SGIP1: variants seen among roughly 807,000 people sequenced by gnomAD.
SGIP1 encodes the protein SH3-containing GRB2-like protein 3-interacting protein 1.
SGIP1 carries 38 observed loss-of-function variants against 107.5 expected under a neutral mutation model. That is an observed-to-expected ratio of 0.35 (90% CI 0.27 to 0.46). The LOEUF (loss-of-function observed/expected upper bound fraction) is 0.46, where lower values mean the gene tolerates loss of function less well. Ranked by LOEUF, SGIP1 falls within the 20% of genes least tolerant of loss-of-function variation. The pLI is 1.00. For missense variants in SGIP1, 929 were observed against 1,019.5 expected, an observed-to-expected ratio of 0.91 and a Z score of 1.21; for synonymous variants, 365 against 366.1, an observed-to-expected ratio of 1.00 and a Z score of 0.03.
intron 1 of SGIP1, among the ~76,000 whole-genome samples, chr1:66,586,084 A>G (rs2062570976): frequency 6.6e-6 from 1 of 152,042 alleles, no homozygotes; most frequent in South Asian, 2.1e-4. Context: ...CTCTTTTATC[A>G]TTATATAATT....
chr1:66,741,205 C>T (rs1321975025), intron 23 of SGIP1, 67 bp from the exon 24 acceptor site: 34 of 1,445,374 alleles, frequency 2.4e-5, no homozygotes, highest in East Asian at 2.2e-4. Context: ...CTTTTGAATG[C>T]AACCTCCAAA....
chr1:66,614,261 A>AAG (rs1299723259), intron 1 of SGIP1, among the ~76,000 whole-genome samples: 1 of 152,236 alleles, frequency 6.6e-6, no homozygotes, highest in Admixed American at 6.5e-5. Flanking sequence ...TTAATTTTCC[A>AAG]AGAGAGTTGA....
Position 66,552,266 on chromosome 1 carries a change from CT to C in SGIP1, c.10+17901del, listed in dbSNP as rs574273585. 2.0e-3 allele frequency among the ~76,000 whole-genome samples: 299 copies of C among 152,322 alleles called. 2 individuals are homozygous for C. Among genetic ancestry groups the C allele is most frequent in the African/African-American group, 6.9e-3 (285 of 41,584 alleles). On this transcript the variant is annotated intron_variant, in intron 1 of 24. Coordinates refer to ENST00000371037, the MANE Select transcript of SGIP1 (RefSeq NM_032291.4). ...TCCTCTGAGTTCTTGGACATGCCCA[CT>C]TTGTTGGCTATTGGCTATGTATCTG...
rs1217131896 is a variant in SGIP1, at chr1:66,660,119, GGAAAGAAA to G, written c.460-378_460-371del. 1.2e-4 allele frequency: 11 copies of G among 92,774 alleles called. 1 individual carries two copies. Among genetic ancestry groups the G allele is most frequent in the African/African-American group, 1.6e-4 (2 of 12,276 alleles). The allele number at this position is 92,774 out of a possible 1,614,324, so 5.7% of individuals were successfully genotyped here. ...AAGGAAGGAAGAAGGAAGGAAGGAA[GGAAAGAAA>G]GAAAGAAAGAAAGAAGAGAGAAAGA... On this transcript the variant is annotated intron_variant, in intron 7 of 24. Transcript: ENST00000371037.
chr1:66,714,395 C>T (rs2093108962), intron 18 of SGIP1, among the ~76,000 whole-genome samples: 1 of 152,118 alleles, frequency 6.6e-6, no homozygotes. Flanking sequence ...GAAATAATCC[C>T]ATAATGATGT....
intron 19 of SGIP1, among the ~76,000 whole-genome samples, chr1:66,724,387 A>G (rs72671619): frequency 0.014 from 2,129 of 152,338 alleles, 29 homozygotes; most frequent in Middle Eastern, 0.034. Flanking sequence ...GCATACTGGT[A>G]GGAAAAATCC....
At position 66,660,943 on chromosome 1, in the gene SGIP1, C is replaced by G. The variant is rs182745543; in HGVS notation, c.471+419C>G. ...ATCTGGAATGCCTATGAAGCTGGCC[C>G]GGGAATGGGGAGTTGTAGGGAAGCT... is the stretch of plus-strand genomic sequence containing the variant. On this transcript the variant is annotated intron_variant, in intron 8 of 24. Transcript: ENST00000371037. Among the ~76,000 whole-genome samples the G allele has an allele frequency of 1.4e-3, 207 of 152,206 alleles. 1 individual carries two copies. Among genetic ancestry groups the G allele is most frequent in the African/African-American group, 4.9e-3 (204 of 41,520 alleles).
intron 1 of SGIP1, among the ~76,000 whole-genome samples, chr1:66,590,911 A>T (rs574422044): frequency 4.3e-4 from 66 of 152,240 alleles, no homozygotes; most frequent in Non-Finnish European, 8.8e-4. Flanking sequence ...AAAATGAGAA[A>T]TACATTTTCT....
At chr1:66,567,178 T>C (rs1419006947) in intron 1 of SGIP1, among the ~76,000 whole-genome samples, 1 of 152,122 alleles carries the variant, frequency 6.6e-6, no homozygotes, top group Non-Finnish European at 1.5e-5. Context: ...TATTGTTTCT[T>C]GACATTTTAA....
chr1:66,664,683 ATCT>A (rs1185858929), intron 8 of SGIP1, among the ~76,000 whole-genome samples: 1 of 152,236 alleles, frequency 6.6e-6, no homozygotes, highest in African/African-American at 2.4e-5. Flanking sequence ...TAGAAAGAAC[ATCT>A]TCTACATTTG....
At chr1:66,599,089 G>A (rs1447130519) in intron 1 of SGIP1, among the ~76,000 whole-genome samples, 2 of 152,030 alleles carry the variant, frequency 1.3e-5, no homozygotes, top group African/African-American at 4.8e-5. Context: ...ATACAATTCG[G>A]TTGTTATTTT....
intron 1 of SGIP1, among the ~76,000 whole-genome samples, chr1:66,611,007 G>T (rs944611232): frequency 6.6e-6 from 1 of 151,880 alleles, no homozygotes; most frequent in African/African-American, 2.4e-5. Context: ...GGGGGTGAGG[G>T]ATAAAGGACT....
At chr1:66,707,077 TG>T (rs2092573081) in intron 18 of SGIP1, among the ~76,000 whole-genome samples, 2 of 152,096 alleles carry the variant, frequency 1.3e-5, no homozygotes, top group East Asian at 3.9e-4. Flanking sequence ...CCTGTCTGCA[TG>T]TATCTACACA....
At chr1:66,649,161 T>G (rs920475441) in intron 7 of SGIP1, among the ~76,000 whole-genome samples, 1 of 152,200 alleles carries the variant, frequency 6.6e-6, no homozygotes, top group East Asian at 1.9e-4. Flanking sequence ...TAGAATTCTG[T>G]TAAAGCAGCT....
Position 66,589,212 on chromosome 1 carries a change from A to ATGTGTGTGTGTGTGTGTGTG in SGIP1, c.11-36634_11-36633insGTGTGTGTGTGTGTGTGTGT, listed in dbSNP as rs1203908242. 2.4e-3 allele frequency among the ~76,000 whole-genome samples: 218 copies of ATGTGTGTGTGTGTGTGTGTG among 89,778 alleles called. 5 individuals are homozygous for ATGTGTGTGTGTGTGTGTGTG. Among genetic ancestry groups the ATGTGTGTGTGTGTGTGTGTG allele is most frequent in the Middle Eastern group, 5.7e-3 (1 of 176 alleles). The allele number at this position is 89,778 out of a possible 152,430, so 58.9% of individuals were successfully genotyped here. A position where few individuals can be genotyped will look rare whatever the true frequency, so the allele number is the denominator to read the frequency against. ...TATATATATATATATATATATATAT[A>ATGTGTGTGTGTGTGTGTGTG]TATATGTAAGGCTTGGGGTAAAGAG... On this transcript the variant is annotated intron_variant, in intron 1 of 24. Coordinates refer to ENST00000371037, the MANE Select transcript of SGIP1 (RefSeq NM_032291.4).
chr1:66,652,701 C>T (rs1326103090), intron 7 of SGIP1, among the ~76,000 whole-genome samples: 1 of 152,018 alleles, frequency 6.6e-6, no homozygotes, highest in Non-Finnish European at 1.5e-5. Flanking sequence ...ACACCACCCC[C>T]TTTCCTGTCC....
intron 1 of SGIP1, among the ~76,000 whole-genome samples, chr1:66,535,503 G>C (rs191960027): frequency 1.3e-5 from 2 of 152,302 alleles, no homozygotes; most frequent in Non-Finnish European, 2.9e-5. Context: ...AGTGTAGCCT[G>C]TACTTATTTG....
intron 18 of SGIP1, among the ~76,000 whole-genome samples, chr1:66,717,043 T>C (rs1007916195): frequency 1.2e-4 from 18 of 152,160 alleles, no homozygotes; most frequent in African/African-American, 4.3e-4. Flanking sequence ...AGCTCCAATA[T>C]CTTCTTAATG....
At chr1:66,535,467 G>C (rs2053384221) in intron 1 of SGIP1, among the ~76,000 whole-genome samples, 1 of 152,228 alleles carries the variant, frequency 6.6e-6, no homozygotes, top group South Asian at 2.1e-4. Context: ...AATGGAATAA[G>C]AGGAGGAAGG....
Sources: allele counts gnomAD v4.1 joint callset (sites outside exome capture counted in the v4.1 genomes callset), GRCh38; gene constraint gnomAD v4.1.1; transcripts MANE v1.5; gene names NCBI Gene and HGNC (gene_info 2026-07-23, HGNC 2026-07-21).